Variants in NFKB1 observed in about 807,000 individuals in gnomAD.
The protein encoded by NFKB1 is nuclear factor kappa B subunit 1, also known as nuclear factor NF-kappa-B p105 subunit.
In NFKB1, 9 loss-of-function variants were observed where a neutral mutation model predicts 105.1. The ratio of observed to expected loss-of-function variants is 0.09; its 90% confidence interval spans 0.05 to 0.15. NFKB1 has a LOEUF of 0.15. Ranked by LOEUF, NFKB1 falls within the 10% of genes least tolerant of loss-of-function variation. NFKB1 has a pLI of 1.00. For missense variants in NFKB1, 830 were observed against 1,203.7 expected, an observed-to-expected ratio of 0.69 and a Z score of 4.59; for synonymous variants, 440 against 442.2, an observed-to-expected ratio of 1.00 and a Z score of 0.06.
At chr4:102,502,386 GCGCGCACACACACACACACA>G (rs1739131037) in intron 1 of NFKB1, among the ~76,000 whole-genome samples, 1 of 102,116 alleles carries the variant, frequency 9.8e-6, no homozygotes, top group African/African-American at 6.4e-5. Flanking sequence ...GCGCGCGCGC[GCGCGCACACACACACACACA>G]CACACACACA....
At chr4:102,615,757 T>C (rs912151008) in intron 23 of NFKB1, among the ~76,000 whole-genome samples, 46 of 152,248 alleles carry the variant, frequency 3.0e-4, no homozygotes, top group African/African-American at 1.0e-3. Context: ...CCACTGGCAT[T>C]AAAGTCTTAA....
chr4:102,542,152 T>C, intron 5 of NFKB1, among the ~76,000 whole-genome samples: 1 of 152,166 alleles, frequency 6.6e-6, no homozygotes, highest in Admixed American at 6.5e-5. Flanking sequence ...AGAAGTCTAC[T>C]CAAATCCTGC....
chr4:102,593,277 C>T, intron 11 of NFKB1, 148 bp from the exon 12 acceptor site: 3 of 782,808 alleles, frequency 3.8e-6, no homozygotes, highest in Non-Finnish European at 6.1e-6. Context: ...TATAACGCTT[C>T]TTGAAATTTA....
At position 102,607,830 on chromosome 4, in the gene NFKB1, G is replaced by A. The variant is rs1380373836; in HGVS notation, c.2227+79G>A. 4 of 1,272,282 alleles carry A rather than the reference G, an allele frequency of 3.1e-6. No homozygotes were observed. In the African/African-American group the frequency reaches 5.9e-5, roughly 19 times the overall value. The allele number at this position is 1,272,282 out of a possible 1,614,324, so 78.8% of individuals were successfully genotyped here. On this transcript the variant is annotated intron_variant, in intron 19 of 23. Transcript: ENST00000226574. ...CCAACTTCAATAGAGCAGTCATGTT[G>A]CCTTCTTTAAGCCACAGACCTACTG...
intron 16 of NFKB1, among the ~76,000 whole-genome samples, chr4:102,602,186 C>T (rs921733171): frequency 6.6e-6 from 1 of 152,138 alleles, no homozygotes; most frequent in Non-Finnish European, 1.5e-5. Flanking sequence ...ACTTCATTTT[C>T]TTTAAAGGAA....
intron 23 of NFKB1, 143 bp from the exon 24 acceptor site, chr4:102,616,291 G>A (rs1269201976): frequency 2.5e-6 from 2 of 806,972 alleles, no homozygotes; most frequent in East Asian, 2.5e-5. Context: ...TTCCCACCAC[G>A]GTGAGCAGTC....
At chr4:102,506,393 C>T (rs1739418429) in intron 1 of NFKB1, among the ~76,000 whole-genome samples, 1 of 152,144 alleles carries the variant, frequency 6.6e-6, no homozygotes, top group African/African-American at 2.4e-5. Flanking sequence ...GAATTAAACA[C>T]CTATCACCCA....
intron 16 of NFKB1, among the ~76,000 whole-genome samples, chr4:102,601,234 A>G (rs1578816932): frequency 6.6e-6 from 1 of 152,360 alleles, no homozygotes; most frequent in East Asian, 1.9e-4. Flanking sequence ...GAAATTCAGC[A>G]TCCCGCTGGG....
At chr4:102,525,414 G>T in intron 1 of NFKB1, 98 bp from the exon 2 acceptor site, 1 of 1,131,420 alleles carries the variant, frequency 8.8e-7, no homozygotes. Flanking sequence ...GGTCTTACTG[G>T]TATAATACAG....
chr4:102,566,199 A>G (rs1375261347), intron 5 of NFKB1, among the ~76,000 whole-genome samples: 2 of 152,176 alleles, frequency 1.3e-5, no homozygotes, highest in Non-Finnish European at 2.9e-5. Flanking sequence ...TCTCCATGCT[A>G]TTTCCTTTTT....
intron 6 of NFKB1, among the ~76,000 whole-genome samples, chr4:102,570,109 C>T (rs1471920826): frequency 2.0e-5 from 3 of 152,152 alleles, no homozygotes; most frequent in Non-Finnish European, 4.4e-5. Context: ...ACCACACTCT[C>T]TCTGCTTTCT....
intron 1 of NFKB1, among the ~76,000 whole-genome samples, chr4:102,518,237 A>C (rs1437612000): frequency 2.6e-5 from 4 of 152,238 alleles, no homozygotes; most frequent in African/African-American, 4.8e-5. Context: ...GAAGGGATTT[A>C]AAACATTAAC....
intron 6 of NFKB1, among the ~76,000 whole-genome samples, chr4:102,573,186 T>C (rs1724527572): frequency 6.6e-6 from 1 of 151,910 alleles, no homozygotes; most frequent in East Asian, 1.9e-4. Flanking sequence ...TGCATGCCTG[T>C]AATCCCAGCT....
intron 5 of NFKB1, among the ~76,000 whole-genome samples, chr4:102,551,365 T>TGCGC (rs35449997): frequency 0.031 from 3,955 of 127,534 alleles, 159 homozygotes; most frequent in African/African-American, 0.13. Flanking sequence ...TGTGTGTGTG[T>TGCGC]GTGCGCGCGC....
At chr4:102,616,111 A>G (rs1415007913) in intron 23 of NFKB1, among the ~76,000 whole-genome samples, 2 of 152,236 alleles carry the variant, frequency 1.3e-5, no homozygotes, top group Non-Finnish European at 2.9e-5. Flanking sequence ...CAGTGGTTGG[A>G]AAACTACACT....
chr4:102,522,623 A>G (rs570923303), intron 1 of NFKB1, among the ~76,000 whole-genome samples: 2 of 152,210 alleles, frequency 1.3e-5, no homozygotes, highest in African/African-American at 4.8e-5. Context: ...TTAACTGTTT[A>G]CATTCAGAAG....
At chr4:102,561,670 G>A (rs1723457185) in intron 5 of NFKB1, among the ~76,000 whole-genome samples, 1 of 152,112 alleles carries the variant, frequency 6.6e-6, no homozygotes, top group Admixed American at 6.5e-5. Context: ...AGGAACCATG[G>A]CAACCTACCT....
intron 1 of NFKB1, among the ~76,000 whole-genome samples, chr4:102,521,780 T>C (rs1740590267): frequency 6.6e-6 from 1 of 152,158 alleles, no homozygotes; most frequent in South Asian, 2.1e-4. Context: ...GTGGGGGCAT[T>C]GTCACACAGG....
At chr4:102,534,085 A>G (rs1317461999) in intron 4 of NFKB1, among the ~76,000 whole-genome samples, 200 bp downstream of exon 4, 1 of 152,200 alleles carries the variant, frequency 6.6e-6, no homozygotes, top group Non-Finnish European at 1.5e-5. Flanking sequence ...GAGCCTCAGT[A>G]TGTAGTTCTG....
Sources: gnomAD v4.1 joint callset for allele counts (sites outside exome capture counted in the v4.1 genomes callset) on GRCh38, gnomAD v4.1.1 for gene constraint, MANE v1.5 for transcripts, NCBI Gene and HGNC (gene_info 2026-07-23, HGNC 2026-07-21) for gene names.